Variants in PIGK observed in about 807,000 individuals in gnomAD.
PIGK encodes GPI-anchor transamidase.
A neutral mutation model predicts 50.6 loss-of-function variants in PIGK; 42 were observed. The ratio of observed to expected loss-of-function variants is 0.83; its 90% CI spans 0.65 to 1.07. The LOEUF (loss-of-function observed/expected upper bound fraction) is 1.07, where lower values mean the gene tolerates loss of function less well. Ranked by LOEUF, PIGK falls within the 50% of genes least tolerant of loss-of-function variation. PIGK has a pLI of 0.00. For synonymous variants in PIGK, 151 were observed against 156.0 expected (o/e 0.97, Z 0.24); for missense variants, 448 against 488.7 (o/e 0.92, Z 0.78).
intron 9 of PIGK, chr1:77,128,998 A>G: frequency 1.5e-6 from 1 of 672,744 alleles, no homozygotes; most frequent in South Asian, 1.7e-5. Flanking sequence ...TCAGTGTTGC[A>G]CTATAACAGC....
At chr1:77,163,180 T>C (rs1359047522) in intron 6 of PIGK, among the ~76,000 whole-genome samples, 1 of 152,196 alleles carries the variant, frequency 6.6e-6, no homozygotes, top group Non-Finnish European at 1.5e-5. Context: ...TATTTTAACA[T>C]TACAGTATTT....
At chr1:77,149,988 T>C (rs1377391033) in intron 9 of PIGK, among the ~76,000 whole-genome samples, 1 of 151,428 alleles carries the variant, frequency 6.6e-6, no homozygotes, top group Non-Finnish European at 1.5e-5. Context: ...TTCTCCTGAA[T>C]AACAAATGGG....
At chr1:77,117,108 T>C (rs997727924) in intron 10 of PIGK, among the ~76,000 whole-genome samples, 3 of 152,178 alleles carry the variant, frequency 2.0e-5, no homozygotes, top group African/African-American at 7.2e-5. Flanking sequence ...TTGTACTCTT[T>C]ACTCTTTAAA....
At chr1:77,114,168 A>G (rs1478464584) in intron 10 of PIGK, among the ~76,000 whole-genome samples, 1 of 152,170 alleles carries the variant, frequency 6.6e-6, no homozygotes, top group Non-Finnish European at 1.5e-5. Context: ...GTTCATAAGG[A>G]GGAAGTATAC....
intron 10 of PIGK, among the ~76,000 whole-genome samples, chr1:77,108,636 CTG>C (rs1653756693): frequency 6.6e-6 from 1 of 152,028 alleles, no homozygotes; most frequent in Non-Finnish European, 1.5e-5. Context: ...GAATGTTGGC[CTG>C]CCTTGCTAGG....
chr1:77,218,737 A>C (rs941821551), intron 1 of PIGK, among the ~76,000 whole-genome samples: 8 of 152,050 alleles, frequency 5.3e-5, no homozygotes, highest in African/African-American at 1.9e-4. Context: ...AGCATTATAG[A>C]GCACCAGAAC....
chr1:77,116,467 G>A (rs1653967098), intron 10 of PIGK, among the ~76,000 whole-genome samples: 1 of 152,014 alleles, frequency 6.6e-6, no homozygotes, highest in African/African-American at 2.4e-5. Context: ...TTACAGGCGT[G>A]AGCCACCGTG....
chr1:77,178,021 T>C (rs948477652), intron 3 of PIGK, among the ~76,000 whole-genome samples: 1 of 152,308 alleles, frequency 6.6e-6, no homozygotes, highest in East Asian at 1.9e-4. Context: ...GACACTCTTA[T>C]CTTTGAATGT....
intron 10 of PIGK, 148 bp from the exon 11 acceptor site, chr1:77,092,638 A>G (rs1653326160): frequency 3.3e-6 from 2 of 611,256 alleles, no homozygotes; most frequent in Non-Finnish European, 5.9e-6. Context: ...GATAGCAACA[A>G]TGGTAAAGAC....
rs1292578238 is a variant in PIGK, at chr1:77,089,000, TA to T, written c.*3373del. On this transcript the variant is annotated 3_prime_UTR_variant, in exon 11 of 11. Coordinates refer to ENST00000370812, the MANE Select transcript of PIGK (RefSeq NM_005482.3). ...GCCACCTTTCCATGTTTGGAGTAAA[TA>T]AATTTTTAATAACCAGTTTCTTGGT... 6.6e-6 allele frequency: 1 copy of T among 152,096 alleles called. No homozygotes were observed. Among genetic ancestry groups the T allele is most frequent in the Non-Finnish European group, 1.5e-5 (1 of 68,032 alleles). 9.4% of individuals were successfully genotyped at this position (152,096 alleles called of 1,614,324 possible).
chr1:77,154,129 G>T (rs1208957266), intron 9 of PIGK: 1 of 405,600 alleles, frequency 2.5e-6, no homozygotes, highest in Non-Finnish European at 4.3e-6. Context: ...TTACCAGGAG[G>T]CCTAACAGAA....
intron 10 of PIGK, among the ~76,000 whole-genome samples, chr1:77,106,169 G>T (rs1478231827): frequency 6.6e-6 from 1 of 152,176 alleles, no homozygotes; most frequent in Non-Finnish European, 1.5e-5. Context: ...ACTATAACAG[G>T]ATTTTGTTAC....
intron 4 of PIGK, among the ~76,000 whole-genome samples, chr1:77,167,486 G>A (rs1390558671): frequency 6.6e-6 from 1 of 152,226 alleles, no homozygotes; most frequent in African/African-American, 2.4e-5. Context: ...GCTCACACCT[G>A]TAATTCCAAC....
intron 9 of PIGK, among the ~76,000 whole-genome samples, chr1:77,138,064 T>C (rs1033877212): frequency 1.3e-5 from 2 of 152,230 alleles, no homozygotes; most frequent in Non-Finnish European, 2.9e-5. Flanking sequence ...GGTGTTCATA[T>C]GCCCTGTATT....
chr1:77,178,835 C>T (rs893815815), intron 3 of PIGK, among the ~76,000 whole-genome samples: 1 of 152,150 alleles, frequency 6.6e-6, no homozygotes, highest in Non-Finnish European at 1.5e-5. Flanking sequence ...AAATGTGTGA[C>T]CATGAGGACA....
At chr1:77,115,649 T>TA (rs1267615007) in intron 10 of PIGK, among the ~76,000 whole-genome samples, 2 of 152,104 alleles carry the variant, frequency 1.3e-5, no homozygotes, top group Non-Finnish European at 2.9e-5. Flanking sequence ...AAAATACCTC[T>TA]AGGACTAAAA....
At chr1:77,187,433 C>G (rs147145003) in intron 3 of PIGK, among the ~76,000 whole-genome samples, 10 of 152,276 alleles carry the variant, frequency 6.6e-5, no homozygotes, top group Non-Finnish European at 1.3e-4. Context: ...GGTCTTACCT[C>G]CAGCAGGAGG....
rs1656396469 is a variant in PIGK, at chr1:77,210,590, C to T, written c.94-101G>A. The T allele has an allele frequency of 7.8e-6, 5 of 639,618 alleles. No individual in the cohort carries two copies. In the South Asian group the frequency reaches 8.7e-5, roughly 11 times the overall value. 39.6% of individuals were successfully genotyped at this position (639,618 alleles called of 1,614,324 possible). On this transcript the variant is annotated intron_variant, in intron 1 of 10. Transcript: ENST00000370812. ...CGTGTAGTTTTTACAGTTGTAATAA[C>T]AATCATCTTACGTAAGTTTATGAAG... is the stretch of plus-strand genomic sequence containing the variant.
At chr1:77,165,178 AC>A (rs1372406384) in intron 5 of PIGK, among the ~76,000 whole-genome samples, 2 of 152,164 alleles carry the variant, frequency 1.3e-5, no homozygotes, top group Non-Finnish European at 2.9e-5. Flanking sequence ...GCCTGCAGTT[AC>A]CCTGAAAGAG....
Sources: allele counts gnomAD v4.1 joint callset (sites outside exome capture counted in the v4.1 genomes callset), GRCh38; gene constraint gnomAD v4.1.1; transcripts MANE v1.5; gene names NCBI Gene and HGNC (gene_info 2026-07-23, HGNC 2026-07-21).